MAGT1: variants seen among roughly 807,000 people sequenced by gnomAD.
MAGT1 encodes magnesium transporter 1.
Under a neutral mutation model 28.4 loss-of-function variants are expected in MAGT1, and 4 were observed. The ratio of observed to expected loss-of-function variants is 0.14; its 90% CI spans 0.07 to 0.32. The LOEUF (loss-of-function observed/expected upper bound fraction) is 0.32, where lower values mean the gene tolerates loss of function less well. Among genes scored for constraint, MAGT1 ranks in the 10% least tolerant of loss-of-function variants. MAGT1 has a pLI of 1.00. For synonymous variants in MAGT1, 89 were observed against 89.7 expected (o/e 0.99, Z 0.04); for missense variants, 193 against 264.5 (o/e 0.73, Z 1.88).
chrX:77,832,119 T>C (rs1367230805), intron 8 of MAGT1, among the ~76,000 whole-genome samples: 5 of 112,006 alleles, frequency 4.5e-5, no homozygotes, highest in African/African-American at 6.5e-5. Context: ...TCTCCACTAA[T>C]CCCACATGTC....
intron 8 of MAGT1, among the ~76,000 whole-genome samples, chrX:77,838,183 G>A (rs1484498377): frequency 8.9e-6 from 1 of 112,316 alleles, no homozygotes; most frequent in Non-Finnish European, 1.9e-5. Context: ...GCTGGGCATG[G>A]TGGCTCACGC....
chrX:77,865,944 T>C (rs2077007647), intron 3 of MAGT1, among the ~76,000 whole-genome samples: 1 of 71,990 alleles, frequency 1.4e-5, no homozygotes, highest in African/African-American at 3.5e-5. Context: ...TCACCCGAGG[T>C]CAGGGGTTTG....
At chrX:77,848,043 T>G (rs2076957171) in intron 7 of MAGT1, among the ~76,000 whole-genome samples, 1 of 112,347 alleles carries the variant, frequency 8.9e-6, no homozygotes, top group Non-Finnish European at 1.9e-5. Context: ...TCCTTCTTGC[T>G]AAATACCTCA....
At chrX:77,890,209 T>C (rs782661527) in intron 1 of MAGT1, among the ~76,000 whole-genome samples, 1 of 112,390 alleles carries the variant, frequency 8.9e-6, no homozygotes, top group East Asian at 2.8e-4. Flanking sequence ...TTTTCACCTT[T>C]CCTAATCATC....
chrX:77,865,350 C>T (rs1442309197), intron 3 of MAGT1, among the ~76,000 whole-genome samples: 3 of 110,626 alleles, frequency 2.7e-5, no homozygotes, highest in South Asian at 3.8e-4. Context: ...AGTGCAGTGG[C>T]GCGATCTCAG....
chrX:77,870,786 C>T, intron 3 of MAGT1, 22 bp downstream of exon 3: 4 of 1,013,141 alleles, frequency 3.9e-6, no homozygotes, highest in Non-Finnish European at 5.6e-6. Context: ...TTTTATATAG[C>T]AGAATAAACC....
At chrX:77,871,793 G>C (rs1176007385) in intron 2 of MAGT1, among the ~76,000 whole-genome samples, 1 of 108,307 alleles carries the variant, frequency 9.2e-6, no homozygotes, top group African/African-American at 3.4e-5. Flanking sequence ...AGTGAGCCGA[G>C]ATCACACCAC....
chrX:77,851,455 C>T (rs1280952620), intron 7 of MAGT1, among the ~76,000 whole-genome samples: 2 of 110,782 alleles, frequency 1.8e-5, no homozygotes, highest in Non-Finnish European at 3.8e-5. Flanking sequence ...CTCACTGCAA[C>T]CTCTGCCTCC....
intron 3 of MAGT1, 151 bp from the exon 4 acceptor site, chrX:77,857,648 G>C: frequency 1.6e-6 from 1 of 639,346 alleles, no homozygotes; most frequent in East Asian, 3.4e-5. Flanking sequence ...AGTGGTAAGT[G>C]GTGGAGCAGG....
chrX:77,847,815 T>C (rs1380611642), intron 7 of MAGT1, among the ~76,000 whole-genome samples: 1 of 110,180 alleles, frequency 9.1e-6, no homozygotes, highest in Non-Finnish European at 1.9e-5. Flanking sequence ...TTTACCCATG[T>C]TGGCTAGGCT....
chrX:77,878,475 A>G, intron 1 of MAGT1, among the ~76,000 whole-genome samples: 1 of 99,834 alleles, frequency 1.0e-5, no homozygotes, highest in Admixed American at 1.1e-4. Flanking sequence ...TCTGTCTCCA[A>G]AAAAAAAAAA....
chrX:77,892,999 A>G (rs1171198552), intron 1 of MAGT1, among the ~76,000 whole-genome samples: 1 of 111,028 alleles, frequency 9.0e-6, no homozygotes, highest in Non-Finnish European at 1.9e-5. Flanking sequence ...AAACAAGGAC[A>G]ATACAGGTCA....
At chrX:77,846,256 G>A (rs1356704718) in intron 7 of MAGT1, among the ~76,000 whole-genome samples, 1 of 111,859 alleles carries the variant, frequency 8.9e-6, no homozygotes, top group Non-Finnish European at 1.9e-5. Context: ...TCATCACGTA[G>A]CTCTCGTGCC....
chrX:77,871,412 G>A (rs374711791), intron 2 of MAGT1, among the ~76,000 whole-genome samples: 11 of 112,503 alleles, frequency 9.8e-5, no homozygotes, highest in African/African-American at 3.5e-4. Flanking sequence ...GATAAGAAGA[G>A]TCTAGGAATT....
At chrX:77,866,145 C>A (rs868917564) in intron 3 of MAGT1, among the ~76,000 whole-genome samples, 2 of 61,982 alleles carry the variant, frequency 3.2e-5, no homozygotes, top group African/African-American at 7.4e-5. Context: ...CAAGACTCCA[C>A]CTCAATTAAA....
intron 8 of MAGT1, among the ~76,000 whole-genome samples, chrX:77,835,175 T>A (rs1214946560): frequency 9.1e-6 from 1 of 109,576 alleles, no homozygotes; most frequent in Non-Finnish European, 1.9e-5. Flanking sequence ...TTAGCCAGGA[T>A]GGTCTCGATC....
Position 77,843,944 on chromosome X carries a change from G to C in MAGT1, c.827-2624C>G, listed in dbSNP as rs149236374. On this transcript the variant is annotated intron_variant, in intron 7 of 9. Coordinates refer to ENST00000618282, the MANE Select transcript of MAGT1 (RefSeq NM_001367916.1). The stretch of plus-strand genomic sequence containing the variant: ...GTGTGTCTGCCAGGCTTTGGTATCA[G>C]GATGATGCTGGCCTCATAAAATGAG... Among the ~76,000 whole-genome samples, 97 of 111,651 alleles carry C rather than the reference G, an allele frequency of 8.7e-4. No homozygotes were observed. The East Asian group carries it at 0.026, about 30-fold the overall frequency.
At chrX:77,855,476 G>C in intron 6 of MAGT1, 25 bp downstream of exon 6, 2 of 1,127,193 alleles carry the variant, frequency 1.8e-6, no homozygotes, top group Non-Finnish European at 2.4e-6. Flanking sequence ...GTCTACAAAG[G>C]AAAGAAATCC....
intron 1 of MAGT1, among the ~76,000 whole-genome samples, chrX:77,879,835 CTTTTT>C (rs536579134): frequency 1.4e-5 from 1 of 73,183 alleles, no homozygotes; most frequent in African/African-American, 5.3e-5. Flanking sequence ...CATGATTTGC[CTTTTT>C]TTTTTTTTTT....
Sources: gnomAD v4.1 joint callset for allele counts (sites outside exome capture counted in the v4.1 genomes callset) on GRCh38, gnomAD v4.1.1 for gene constraint, MANE v1.5 for transcripts, NCBI Gene and HGNC (gene_info 2026-07-23, HGNC 2026-07-21) for gene names.